Variants in FTO observed in about 807,000 individuals in gnomAD.
The protein encoded by FTO is alpha-ketoglutarate-dependent dioxygenase FTO.
In FTO, 47 loss-of-function variants were observed where a neutral mutation model predicts 63.9. That is an observed-to-expected ratio of 0.74 (90% CI 0.58 to 0.94). FTO has a LOEUF of 0.94. Among genes scored for constraint, FTO ranks in the 40% least tolerant of loss-of-function variants. The pLI, the probability that FTO is intolerant of heterozygous loss-of-function variation, is 0.00. For missense variants in FTO, 562 were observed against 618.1 expected (o/e 0.91, Z 0.96); for synonymous variants, 207 against 224.4 (o/e 0.92, Z 0.69).
intron 8 of FTO, among the ~76,000 whole-genome samples, chr16:54,047,244 T>C (rs2085190183): frequency 7.5e-5 from 1 of 13,388 alleles, no homozygotes; most frequent in African/African-American, 2.7e-4. Context: ...GAATCTACAA[T>C]GAACTCAAAC....
chr16:53,909,329 C>T (rs952059451), intron 7 of FTO, among the ~76,000 whole-genome samples: 2 of 152,084 alleles, frequency 1.3e-5, no homozygotes. Context: ...CAGACATATA[C>T]ATGAATAAGG....
At chr16:53,724,845 C>T (rs1255723491) in intron 1 of FTO, among the ~76,000 whole-genome samples, 1 of 152,134 alleles carries the variant, frequency 6.6e-6, no homozygotes, top group Non-Finnish European at 1.5e-5. Flanking sequence ...GGATTGAGAA[C>T]AACAAACTGA....
At chr16:53,997,704 CT>C (rs10595845) in intron 8 of FTO, among the ~76,000 whole-genome samples, 43 of 149,292 alleles carry the variant, frequency 2.9e-4, no homozygotes, top group South Asian at 1.7e-3. Flanking sequence ...TGATTTGGAT[CT>C]TTTTTTTTTT....
intron 7 of FTO, among the ~76,000 whole-genome samples, chr16:53,915,656 G>A (rs1387233560): frequency 1.3e-5 from 2 of 152,174 alleles, no homozygotes; most frequent in African/African-American, 4.8e-5. Flanking sequence ...TCGAACACAG[G>A]AGGGAGGAGG....
Position 54,121,809 on chromosome 16 carries a change from A to G in FTO, c.*9894A>G, listed in dbSNP as rs2087008313. On this transcript the variant is annotated 3_prime_UTR_variant, in exon 9 of 9. Coordinates refer to ENST00000471389, the MANE Select transcript of FTO (RefSeq NM_001080432.3). ...AGGGTGTCCTATTTATAAGTCAGTA[A>G]AACACAGCGGCTTCATACTCTGTGC... The G allele has an allele frequency of 6.6e-6, 1 of 152,048 alleles. No individual in the cohort carries two copies. Among genetic ancestry groups the G allele is most frequent in the Admixed American group, 6.6e-5 (1 of 15,266 alleles). The allele number at this position is 152,048 out of a possible 1,614,324, so 9.4% of individuals were successfully genotyped here. A position where few individuals can be genotyped will look rare whatever the true frequency, so the allele number is the denominator to read the frequency against.
chr16:53,932,339 C>A (rs1343139640), intron 7 of FTO, among the ~76,000 whole-genome samples: 3 of 151,886 alleles, frequency 2.0e-5, no homozygotes, highest in Admixed American at 1.3e-4. Flanking sequence ...TTCTGACTTA[C>A]CTGTTTGTAT....
chr16:53,773,343 G>A (rs1223655028), intron 1 of FTO, among the ~76,000 whole-genome samples: 2 of 152,076 alleles, frequency 1.3e-5, no homozygotes, highest in African/African-American at 4.8e-5. Context: ...TGGCACTGAA[G>A]TATCATTCTC....
chr16:53,740,864 A>G (rs2076513782), intron 1 of FTO, among the ~76,000 whole-genome samples: 1 of 152,244 alleles, frequency 6.6e-6, no homozygotes, highest in Non-Finnish European at 1.5e-5. Context: ...AAAGGTTTAA[A>G]GAAGAAAGTA....
At chr16:54,005,268 A>G (rs1365984468) in intron 8 of FTO, among the ~76,000 whole-genome samples, 1 of 146,544 alleles carries the variant, frequency 6.8e-6, no homozygotes, top group East Asian at 2.0e-4. Flanking sequence ...TATTAAATTA[A>G]TATATTTTTA....
At chr16:53,714,488 C>T (rs912587348) in intron 1 of FTO, among the ~76,000 whole-genome samples, 13 of 152,084 alleles carry the variant, frequency 8.5e-5, no homozygotes, top group African/African-American at 3.1e-4. Context: ...ATGGAAAATT[C>T]TGCTGATGAA....
At chr16:53,910,683 G>A (rs182365162) in intron 7 of FTO, among the ~76,000 whole-genome samples, 17 of 152,176 alleles carry the variant, frequency 1.1e-4, no homozygotes, top group Middle Eastern at 3.4e-3. Flanking sequence ...TTACAGATGC[G>A]CACCACCATG....
chr16:53,984,279 A>G (rs2083612847), intron 8 of FTO, among the ~76,000 whole-genome samples: 1 of 150,280 alleles, frequency 6.7e-6, no homozygotes, highest in Non-Finnish European at 1.5e-5. Flanking sequence ...AACCATCACA[A>G]AGTAATTACT....
intron 7 of FTO, among the ~76,000 whole-genome samples, chr16:53,899,168 G>T (rs751615098): frequency 2.6e-5 from 4 of 151,750 alleles, no homozygotes; most frequent in African/African-American, 4.8e-5. Context: ...TTATGCCTCT[G>T]GCATTTATAG....
chr16:53,726,284 A>G (rs575534382), intron 1 of FTO, among the ~76,000 whole-genome samples: 7 of 152,362 alleles, frequency 4.6e-5, no homozygotes, highest in African/African-American at 1.7e-4. Context: ...CAGTTCTCAT[A>G]ATAGTATGGT....
intron 8 of FTO, among the ~76,000 whole-genome samples, chr16:53,977,734 A>T (rs1421694711): frequency 6.6e-6 from 1 of 152,178 alleles, no homozygotes; most frequent in African/African-American, 2.4e-5. Context: ...TGACATCTTT[A>T]TGAAACCTGG....
At chr16:53,813,464 G>A (rs768373548) in intron 2 of FTO, among the ~76,000 whole-genome samples, 27 of 152,014 alleles carry the variant, frequency 1.8e-4, no homozygotes, top group Non-Finnish European at 2.9e-4. Flanking sequence ...CACCTGCCTC[G>A]GCCTCCCAAA....
chr16:53,865,926 A>G (rs2080300330), intron 4 of FTO, among the ~76,000 whole-genome samples: 1 of 152,182 alleles, frequency 6.6e-6, no homozygotes, highest in African/African-American at 2.4e-5. Flanking sequence ...CAGGTCTTCC[A>G]ATATGATACT....
At chr16:53,963,384 G>A (rs1238323966) in intron 8 of FTO, among the ~76,000 whole-genome samples, 2 of 152,148 alleles carry the variant, frequency 1.3e-5, no homozygotes, top group African/African-American at 4.8e-5. Flanking sequence ...AGAACATAGG[G>A]AAGACCTCAG....
chr16:53,752,920 C>CTTTT (rs749666605), intron 1 of FTO, among the ~76,000 whole-genome samples: 2 of 138,194 alleles, frequency 1.4e-5, no homozygotes, highest in Non-Finnish European at 3.1e-5. Flanking sequence ...ATATGACTGC[C>CTTTT]TTTTTTTTTT....
Sources: gnomAD v4.1 joint callset for allele counts (sites outside exome capture counted in the v4.1 genomes callset) on GRCh38, gnomAD v4.1.1 for gene constraint, MANE v1.5 for transcripts, NCBI Gene and HGNC (gene_info 2026-07-23, HGNC 2026-07-21) for gene names.